Variants in CACNA1E observed in about 807,000 individuals in gnomAD.
The protein encoded by CACNA1E is voltage-dependent R-type calcium channel subunit alpha-1E.
A neutral mutation model predicts 259.2 loss-of-function variants in CACNA1E; 40 were observed. That is an observed-to-expected ratio of 0.15 (90% CI 0.12 to 0.20). The LOEUF (loss-of-function observed/expected upper bound fraction) is 0.20, where lower values mean the gene tolerates loss of function less well. Among genes scored for constraint, CACNA1E ranks in the 10% least tolerant of loss-of-function variants. The pLI is 1.00. For missense variants in CACNA1E, 1,874 were observed against 3,040.1 expected (o/e 0.62, Z 9.02); for synonymous variants, 1,104 against 1,138.5 (o/e 0.97, Z 0.61).
At chr1:181,493,606 G>A (rs184324844) in intron 1 of CACNA1E, among the ~76,000 whole-genome samples, 143 of 152,216 alleles carry the variant, frequency 9.4e-4, no homozygotes, top group Admixed American at 2.9e-3. Context: ...ACAATACTAT[G>A]GCATTGAACA....
chr1:181,643,440 C>T (rs1379488397), intron 6 of CACNA1E, among the ~76,000 whole-genome samples: 6 of 152,238 alleles, frequency 3.9e-5, no homozygotes, highest in Non-Finnish European at 8.8e-5. Context: ...CGGCAGCCTT[C>T]GTAGTCCTAT....
chr1:181,376,661 T>G (rs995145010), intron 1 of CACNA1E, among the ~76,000 whole-genome samples: 2 of 152,160 alleles, frequency 1.3e-5, no homozygotes, highest in Non-Finnish European at 2.9e-5. Flanking sequence ...GGATGGGAAC[T>G]GGTTTTAGTT....
chr1:181,434,710 C>T (rs558153762), intron 2 of CACNA1E, among the ~76,000 whole-genome samples: 52 of 152,224 alleles, frequency 3.4e-4, no homozygotes, highest in Admixed American at 1.8e-3. Context: ...AAGCAGGGAG[C>T]GCAGGGGGTT....
intron 1 of CACNA1E, among the ~76,000 whole-genome samples, chr1:181,360,767 A>G (rs1653804577): frequency 6.6e-6 from 1 of 152,186 alleles, no homozygotes; most frequent in African/African-American, 2.4e-5. Flanking sequence ...TTGAGTACTG[A>G]AAAAAACCCT....
chr1:181,389,752 C>T (rs999894424), intron 1 of CACNA1E, among the ~76,000 whole-genome samples: 1 of 152,186 alleles, frequency 6.6e-6, no homozygotes, highest in Non-Finnish European at 1.5e-5. Context: ...AGTGTTTCAC[C>T]CAGAGTGGCA....
intron 3 of CACNA1E, among the ~76,000 whole-genome samples, chr1:181,568,293 C>T (rs977139861): frequency 6.6e-6 from 1 of 152,180 alleles, no homozygotes; most frequent in African/African-American, 2.4e-5. Flanking sequence ...GCAGCCAGCA[C>T]AGCCGCCCCA....
In CACNA1E at chr1:181,755,263, C is replaced by T. The variant is rs557660186; in HGVS notation, c.3855C>T (p.Ser1285=). 17 of 1,613,848 alleles carry T rather than the reference C, an allele frequency of 1.1e-5. No individual in the cohort carries two copies. In the East Asian group the frequency reaches 3.6e-4, roughly 34 times the overall value. ...CCGTCTTCGACTGCGTAGTGACCTC[C>T]TTGAAGAATGTCTTCAACATACTCA... ...LKAVFDCVVT[S]LKNVFNILIV... Residue 1285 remains serine (S), a synonymous_variant, in exon 28 of 48, where the codon TCC becomes TCT. Coordinates refer to ENST00000367573, the MANE Select transcript of CACNA1E (RefSeq NM_001205293.3).
At chr1:181,525,022 G>A (rs1301539819) in intron 3 of CACNA1E, among the ~76,000 whole-genome samples, 2 of 152,216 alleles carry the variant, frequency 1.3e-5, no homozygotes, top group African/African-American at 4.8e-5. Context: ...AAAACATTTT[G>A]CTAAGTATTG....
At chr1:181,575,422 C>T (rs1053249687) in intron 3 of CACNA1E, among the ~76,000 whole-genome samples, 3 of 152,188 alleles carry the variant, frequency 2.0e-5, no homozygotes, top group Admixed American at 2.0e-4. Context: ...ATTTCTCTGA[C>T]ATTTGCTTCT....
chr1:181,483,516 C>G, upstream of CACNA1E: 9 of 201,158 alleles, frequency 4.5e-5, no homozygotes, highest in Middle Eastern at 1.5e-3. Context: ...TTTTTTTTTT[C>G]CTTCTTGAGG....
intron 2 of CACNA1E, among the ~76,000 whole-genome samples, chr1:181,456,878 T>G (rs755712273): frequency 1.3e-5 from 2 of 152,190 alleles, no homozygotes; most frequent in African/African-American, 2.4e-5. Flanking sequence ...TTTTTCTCCC[T>G]TCCTCCTCCA....
chr1:181,739,260 G>A lies in CACNA1E; in HGVS notation c.3719+7G>A. ...TGGTGGCCTTTGCTCTGGCGTAAGTGACTCTTTTCATATTTGATTCCCTTC... is the reference window on the plus strand; with the variant it reads ...TGGTGGCCTTTGCTCTGGCGTAAGTAACTCTTTTCATATTTGATTCCCTTC... On this transcript the variant is annotated splice_region_variant and intron_variant, in intron 25 of 47. Coordinates refer to ENST00000367573, the MANE Select transcript of CACNA1E (RefSeq NM_001205293.3). 2 of 1,565,604 alleles carry A rather than the reference G, an allele frequency of 1.3e-6. No homozygotes were observed. The highest frequency in any genetic ancestry group is 1.8e-6 in the Non-Finnish European group (2 of 1,135,978).
intron 2 of CACNA1E, among the ~76,000 whole-genome samples, chr1:181,444,328 T>TA (rs11370051): frequency 0.37 from 53,291 of 145,914 alleles, 9,858 homozygotes; most frequent in African/African-American, 0.45. Flanking sequence ...ACTGTGCTAT[T>TA]AAAAAAAAAA....
chr1:181,658,455 A>G (rs1343819319), intron 7 of CACNA1E, among the ~76,000 whole-genome samples: 1 of 152,248 alleles, frequency 6.6e-6, no homozygotes, highest in Non-Finnish European at 1.5e-5. Flanking sequence ...CCTCTGTAAA[A>G]TGGGATAGCA....
chr1:181,678,520 A>C (rs1649604925), intron 7 of CACNA1E, among the ~76,000 whole-genome samples: 1 of 152,206 alleles, frequency 6.6e-6, no homozygotes, highest in Non-Finnish European at 1.5e-5. Flanking sequence ...ACATCTATCT[A>C]ACATGTATGT....
At chr1:181,320,325 T>C (rs1182127560) in intron 1 of CACNA1E, among the ~76,000 whole-genome samples, 1 of 152,214 alleles carries the variant, frequency 6.6e-6, no homozygotes. Context: ...ACTTCCTTGC[T>C]TGTGTGAGGG....
intron 7 of CACNA1E, among the ~76,000 whole-genome samples, chr1:181,671,205 T>G (rs1297406560): frequency 6.6e-6 from 1 of 152,100 alleles, no homozygotes; most frequent in Non-Finnish European, 1.5e-5. Context: ...GGCTAATTTT[T>G]TGTAGAGGTG....
intron 44 of CACNA1E, among the ~76,000 whole-genome samples, chr1:181,791,348 C>G (rs563256883): frequency 6.6e-6 from 1 of 152,182 alleles, no homozygotes; most frequent in East Asian, 1.9e-4. Flanking sequence ...TGGCAGGCAC[C>G]TGTGGTTCCA....
chr1:181,558,789 G>C (rs917633284), intron 3 of CACNA1E, among the ~76,000 whole-genome samples: 1 of 152,196 alleles, frequency 6.6e-6, no homozygotes, highest in Non-Finnish European at 1.5e-5. Flanking sequence ...ATGGTCTGGA[G>C]AGAAGAATAC....
Sources: gnomAD v4.1 joint callset for allele counts (sites outside exome capture counted in the v4.1 genomes callset) on GRCh38, gnomAD v4.1.1 for gene constraint, MANE v1.5 for transcripts, NCBI Gene and HGNC (gene_info 2026-07-23, HGNC 2026-07-21) for gene names.